The following LRRC49 variants were observed in gnomAD, a reference collection of about 807,000 sequenced individuals.
The protein encoded by LRRC49 is leucine-rich repeat-containing protein 49.
In LRRC49, 50 loss-of-function variants were observed where a neutral mutation model predicts 83.3. The ratio of observed to expected loss-of-function variants is 0.60; its 90% CI spans 0.48 to 0.76. The LOEUF is 0.76. Ranked by LOEUF, LRRC49 falls within the 30% of genes least tolerant of loss-of-function variation. The probability of loss-of-function intolerance (pLI) is 0.00; values close to 1 mark genes in which losing one functional copy is unlikely to be tolerated. For synonymous variants in LRRC49, 286 were observed against 283.3 expected (o/e 1.01, Z -0.10); for missense variants, 704 against 809.1 (o/e 0.87, Z 1.58).
At chr15:70,932,040 A>G (rs1219728001) in intron 7 of LRRC49, among the ~76,000 whole-genome samples, 2 of 152,208 alleles carry the variant, frequency 1.3e-5, no homozygotes, top group Admixed American at 1.3e-4. Flanking sequence ...ATTAGTCAGC[A>G]TATCAGTGCC....
At chr15:70,993,676 A>T (rs1172605276) in intron 11 of LRRC49, among the ~76,000 whole-genome samples, 2 of 152,212 alleles carry the variant, frequency 1.3e-5, no homozygotes, top group Admixed American at 6.5e-5. Flanking sequence ...ATAATGTTAA[A>T]ACTTTATAGC....
At chr15:71,048,868 C>A (rs554971675) in intron 15 of LRRC49, 7 of 455,882 alleles carry the variant, frequency 1.5e-5, no homozygotes, top group African/African-American at 1.4e-4. Context: ...GTTTACTCTT[C>A]CTAATTGTAC....
At chr15:71,046,606 G>A (rs1567116074) in intron 15 of LRRC49, among the ~76,000 whole-genome samples, 1 of 152,144 alleles carries the variant, frequency 6.6e-6, no homozygotes, top group Non-Finnish European at 1.5e-5. Context: ...TTAAGCCTTT[G>A]TCAGATACAT....
intron 9 of LRRC49, among the ~76,000 whole-genome samples, chr15:70,979,490 T>C (rs1303307128): frequency 6.6e-6 from 1 of 152,060 alleles, no homozygotes; most frequent in Non-Finnish European, 1.5e-5. Flanking sequence ...TAAGATCTAT[T>C]CTCTTAGCAA....
chr15:70,926,459 G>A (rs1482448784), intron 7 of LRRC49, among the ~76,000 whole-genome samples: 2 of 152,104 alleles, frequency 1.3e-5, no homozygotes, highest in Admixed American at 1.3e-4. Context: ...TGTTATTACT[G>A]AGCCATAGGG....
At chr15:71,002,126 C>G (rs1257912515) in intron 11 of LRRC49, among the ~76,000 whole-genome samples, 3 of 152,138 alleles carry the variant, frequency 2.0e-5, no homozygotes, top group African/African-American at 7.2e-5. Context: ...TACAATTTAA[C>G]TATTTCTGAA....
chr15:70,965,548 G>A (rs1334194254), intron 9 of LRRC49, among the ~76,000 whole-genome samples: 1 of 151,956 alleles, frequency 6.6e-6, no homozygotes, highest in Non-Finnish European at 1.5e-5. Context: ...TTACAGGTTA[G>A]TTTTTTTGTA....
chr15:70,871,608 T>A (rs1231141236), intron 1 of LRRC49, among the ~76,000 whole-genome samples: 1 of 149,366 alleles, frequency 6.7e-6, no homozygotes, highest in South Asian at 2.1e-4. Context: ...ACGGGGTGGC[T>A]GCCGGGCAGA....
chr15:70,972,263 GAAATTCTGGGTTGA>G, intron 9 of LRRC49, among the ~76,000 whole-genome samples: 1 of 152,278 alleles, frequency 6.6e-6, no homozygotes, highest in South Asian at 2.1e-4. Flanking sequence ...GGCTGGATAT[GAAATTCTGGGTTGA>G]AAATTCTTTT....
At chr15:70,958,948 A>G (rs1596067854) in intron 8 of LRRC49, among the ~76,000 whole-genome samples, 1 of 152,304 alleles carries the variant, frequency 6.6e-6, no homozygotes, top group East Asian at 1.9e-4. Context: ...CCTTGTTAGT[A>G]CCTACATTAT....
intron 2 of LRRC49, among the ~76,000 whole-genome samples, chr15:70,876,329 C>T (rs949694957): frequency 1.3e-5 from 2 of 152,206 alleles, no homozygotes; most frequent in African/African-American, 4.8e-5. Flanking sequence ...CATTTGGAAA[C>T]CCCTTAGACC....
intron 3 of LRRC49, chr15:70,900,215 C>G: frequency 4.2e-6 from 1 of 236,256 alleles, no homozygotes; most frequent in Non-Finnish European, 8.5e-6. Context: ...AGATTGAAAG[C>G]TACATAATGG....
intron 9 of LRRC49, among the ~76,000 whole-genome samples, chr15:70,976,569 A>G (rs368338393): frequency 2.0e-5 from 3 of 152,302 alleles, no homozygotes; most frequent in African/African-American, 4.8e-5. Flanking sequence ...AGTATAATCT[A>G]GGTTATCAAA....
At chr15:70,934,562 G>A (rs536483061) in intron 7 of LRRC49, among the ~76,000 whole-genome samples, 3 of 152,060 alleles carry the variant, frequency 2.0e-5, no homozygotes, top group Non-Finnish European at 4.4e-5. Flanking sequence ...GTAAAATTTT[G>A]TCTCATAAAC....
At chr15:70,905,481 GA>G (rs889323963) in intron 5 of LRRC49, among the ~76,000 whole-genome samples, 3 of 151,600 alleles carry the variant, frequency 2.0e-5, no homozygotes, top group African/African-American at 4.8e-5. Flanking sequence ...CTCGTTGCAG[GA>G]AAAAAAAGTA....
chr15:71,016,975 C>T (rs1218458969), intron 14 of LRRC49, among the ~76,000 whole-genome samples: 2 of 151,764 alleles, frequency 1.3e-5, no homozygotes, highest in Non-Finnish European at 2.9e-5. Context: ...GCATGTGGCT[C>T]GCACCTGTGG....
At chr15:70,873,319 A>C in intron 2 of LRRC49, 1 of 1,292,586 alleles carries the variant, frequency 7.7e-7, no homozygotes, top group Non-Finnish European at 1.1e-6. Flanking sequence ...CAAAATACTA[A>C]CTAAAGCTAT....
At chr15:70,853,869 G>A in intron 1 of LRRC49, 4 of 1,258,860 alleles carry the variant, frequency 3.2e-6, no homozygotes, top group Non-Finnish European at 4.0e-6. Flanking sequence ...CCCACCTCCC[G>A]GGCCAGCCGC....
At chr15:70,870,956 T>TTTGTTTTGG in intron 1 of LRRC49, among the ~76,000 whole-genome samples, 1 of 150,206 alleles carries the variant, frequency 6.7e-6, no homozygotes, top group Non-Finnish European at 1.5e-5. Context: ...TTTTTTTTTT[T>TTTGTTTTGG]TTTTTTTTTA....
Sources: gnomAD v4.1 joint callset for allele counts (sites outside exome capture counted in the v4.1 genomes callset) on GRCh38, gnomAD v4.1.1 for gene constraint, MANE v1.5 for transcripts, NCBI Gene and HGNC (gene_info 2026-07-23, HGNC 2026-07-21) for gene names.